Variants in OAS1 observed in about 807,000 individuals in gnomAD.
OAS1 encodes the protein 2'-5'-oligoadenylate synthase 1.
Under a neutral mutation model 38.5 loss-of-function variants are expected in OAS1, and 24 were observed. That is an observed-to-expected ratio of 0.62 (90% CI 0.45 to 0.88). The LOEUF (loss-of-function observed/expected upper bound fraction) is 0.88. OAS1 is among the 40% of genes least tolerant of loss of function. OAS1 has a pLI of 0.00. For synonymous variants in OAS1, 169 were observed against 193.9 expected (o/e 0.87, Z 1.07); for missense variants, 482 against 493.9 (o/e 0.98, Z 0.23).
intron 5 of OAS1, chr12:112,918,002 C>T (rs2043487755): frequency 3.5e-6 from 4 of 1,157,070 alleles, no homozygotes; most frequent in Non-Finnish European, 4.5e-6. Flanking sequence ...TTAATATGCA[C>T]TCTCTCATTA....
At chr12:112,916,220 A>G (rs1311200569) in intron 3 of OAS1, among the ~76,000 whole-genome samples, 1 of 152,228 alleles carries the variant, frequency 6.6e-6, no homozygotes, top group Non-Finnish European at 1.5e-5. Flanking sequence ...ACCCACATCA[A>G]TAAGAATCCA....
chr12:112,908,669 A>G lies in OAS1; in HGVS notation c.314A>G (p.Gln105Arg), dbSNP rs1409335951. 1 of 1,614,260 alleles carries G rather than the reference A, an allele frequency of 6.2e-7. No homozygotes were observed. Among genetic ancestry groups the G allele is most frequent in the South Asian group, 1.1e-5 (1 of 91,090 alleles). The change falls in exon 2 of 6, where the codon CAG becomes CGG. Residue 105 changes from glutamine (Q) to arginine (R), a missense_variant. By Grantham distance (43) the Gln-to-Arg change is conservative (BLOSUM62 1). Coordinates refer to ENST00000202917, the MANE Select transcript of OAS1 (RefSeq NM_016816.4). The stretch of plus-strand genomic sequence containing the variant: ...GAGTTCATCCAGGAAATTAGGAGAC[A>G]GCTGGAAGCCTGTCAAAGAGAGAGA... ...RGEFIQEIRR[Q>R]LEACQRERAF...
At chr12:112,920,828 T>C (rs892674015), downstream of OAS1, among the ~76,000 whole-genome samples, 19 of 152,342 alleles carry the variant, frequency 1.2e-4, no homozygotes, top group African/African-American at 4.6e-4. Flanking sequence ...CACATCCCTG[T>C]GAGATGGGTT....
At chr12:112,915,861 C>T (rs2043447441) in intron 3 of OAS1, among the ~76,000 whole-genome samples, 1 of 152,084 alleles carries the variant, frequency 6.6e-6, no homozygotes, top group Non-Finnish European at 1.5e-5. Flanking sequence ...TTCGGTCTTT[C>T]AGCATTTAAA....
At chr12:112,926,866 C>A (rs892229359) in intron 6 of OAS1, among the ~76,000 whole-genome samples, 2 of 152,122 alleles carry the variant, frequency 1.3e-5, no homozygotes, top group African/African-American at 2.4e-5. Flanking sequence ...AAGGCAGACA[C>A]CCCCAGAGCG....
At chr12:112,924,669 A>T (rs1266066215), downstream of OAS1, among the ~76,000 whole-genome samples, 1 of 152,184 alleles carries the variant, frequency 6.6e-6, no homozygotes, top group Non-Finnish European at 1.5e-5. Context: ...TTCATTTTGC[A>T]ATGGTTGCTT....
chr12:112,929,194 A>T (rs940972982), intron 6 of OAS1, among the ~76,000 whole-genome samples: 2 of 152,176 alleles, frequency 1.3e-5, no homozygotes, highest in South Asian at 4.1e-4. Flanking sequence ...TGCCCCCATC[A>T]GGCAACTACA....
At chr12:112,918,599 G>T (rs554555404) in intron 5 of OAS1, 11 of 452,232 alleles carry the variant, frequency 2.4e-5, no homozygotes, top group African/African-American at 2.2e-4. Context: ...TCTTACAGAT[G>T]AGACAAAGGC....
chr12:112,918,448 A>T (rs2043493294), intron 5 of OAS1: 1 of 337,318 alleles, frequency 3.0e-6, no homozygotes, highest in East Asian at 7.5e-5. Context: ...ACTGCGATAA[A>T]CATACGAGTG....
In OAS1 at chr12:112,919,685, G is replaced by A. The variant is rs1166860288; in HGVS notation, c.*132G>A. 2 of 1,557,120 alleles carry A rather than the reference G, an allele frequency of 1.3e-6. No homozygotes were observed. Among genetic ancestry groups the A allele is most frequent in the Non-Finnish European group, 8.7e-7 (1 of 1,148,648 alleles). ...GTGTATAATCCAGGACAGAACCCAG[G>A]TCTCCTGACTCCTGGCCTTCTATGC... On this transcript the variant is annotated 3_prime_UTR_variant, in exon 6 of 6. Coordinates refer to ENST00000202917, the MANE Select transcript of OAS1 (RefSeq NM_016816.4).
At chr12:112,917,893 T>A (rs2043486079) in intron 5 of OAS1, 193 bp downstream of exon 5, 2 of 1,466,544 alleles carry the variant, frequency 1.4e-6, no homozygotes, top group Admixed American at 2.5e-5. Context: ...AATTTTCACA[T>A]CCCTTGTCCA....
At chr12:112,915,574 T>C (rs1021888762) in intron 3 of OAS1, among the ~76,000 whole-genome samples, 1 of 152,212 alleles carries the variant, frequency 6.6e-6, no homozygotes, top group Non-Finnish European at 1.5e-5. Flanking sequence ...ATTTGTTCTT[T>C]TTACTTAGTC....
At chr12:112,928,894 G>A (rs944902608) in intron 6 of OAS1, among the ~76,000 whole-genome samples, 18 of 152,212 alleles carry the variant, frequency 1.2e-4, no homozygotes, top group South Asian at 4.1e-4. Flanking sequence ...TAGAAGTGGC[G>A]CTTTCTCTTG....
At chr12:112,917,423 G>C (rs1033955019) in intron 4 of OAS1, 124 bp from the exon 5 acceptor site, 1 of 1,281,344 alleles carries the variant, frequency 7.8e-7, no homozygotes, top group African/African-American at 1.5e-5. Flanking sequence ...ACCCCAGGGA[G>C]CCCTTCCTCA....
chr12:112,915,142 C>A (rs969733014), intron 3 of OAS1, among the ~76,000 whole-genome samples: 8 of 151,976 alleles, frequency 5.3e-5, no homozygotes, highest in African/African-American at 1.4e-4. Flanking sequence ...ATCTATTTAT[C>A]TTTGTTTTTG....
downstream of OAS1, among the ~76,000 whole-genome samples, chr12:112,923,576 A>G (rs1365227174): frequency 6.6e-6 from 1 of 152,154 alleles, no homozygotes; most frequent in Non-Finnish European, 1.5e-5. Context: ...TTTTTTTGCT[A>G]GTGAGTGGTA....
Position 112,919,400 on chromosome 12 carries a change from C to G in OAS1, c.1050C>G (p.Asn350Lys). 6.2e-7 allele frequency: 1 copy of G among 1,612,920 alleles called. No homozygotes were observed. The highest frequency in any genetic ancestry group is 1.1e-5 in the South Asian group (1 of 90,926). ...TCTCACCCTTTCAGGCTGAAAGCAA[C>G]AGTGCAGACGATGAGACCGACGATC... ...VSSWILLAES[N>K]SADDETDDPR... The change falls in exon 6 of 6, where the codon AAC becomes AAG. Residue 350 changes from asparagine (N) to lysine (K), a missense_variant. By Grantham distance (94) the Asn-to-Lys change is moderately conservative. Coordinates refer to ENST00000202917, the MANE Select transcript of OAS1 (RefSeq NM_016816.4).
chr12:112,909,292 C>T (rs2136297808), intron 2 of OAS1, among the ~76,000 whole-genome samples: 1 of 152,314 alleles, frequency 6.6e-6, no homozygotes, highest in East Asian at 1.9e-4. Context: ...ACCACACTAC[C>T]TGTATCATAT....
intron 6 of OAS1, among the ~76,000 whole-genome samples, chr12:112,925,676 C>T (rs1446715505): frequency 6.6e-6 from 1 of 152,102 alleles, no homozygotes; most frequent in East Asian, 1.9e-4. Flanking sequence ...GTCCCAGCTA[C>T]TCAGGAGGCT....
Sources: gnomAD v4.1 joint callset for allele counts (sites outside exome capture counted in the v4.1 genomes callset) on GRCh38, gnomAD v4.1.1 for gene constraint, MANE v1.5 for transcripts, NCBI Gene and HGNC (gene_info 2026-07-23, HGNC 2026-07-21) for gene names.